RNF212B: variants seen among roughly 807,000 people sequenced by gnomAD.
RNF212B encodes the protein ring finger protein 212B.
RNF212B carries 52 observed loss-of-function variants against 55.5 expected under a neutral mutation model. That is an observed-to-expected ratio of 0.94 (90% CI 0.75 to 1.18). The LOEUF (loss-of-function observed/expected upper bound fraction) is 1.18, where lower values mean the gene tolerates loss of function less well. RNF212B is among the 50% of genes most tolerant of loss of function. The pLI is 0.00. For synonymous variants in RNF212B, 99 were observed against 121.4 expected (o/e 0.82, Z 1.21); for missense variants, 289 against 350.4 (o/e 0.82, Z 1.40).
chr14:23,253,575 C>T (rs903970362), intron 4 of RNF212B, among the ~76,000 whole-genome samples: 11 of 152,036 alleles, frequency 7.2e-5, no homozygotes, highest in Non-Finnish European at 1.2e-4. Context: ...TGTTGTATTC[C>T]ACCAAGAGGT....
At chr14:23,237,271 A>G (rs1883181913), upstream of RNF212B, among the ~76,000 whole-genome samples, 1 of 151,974 alleles carries the variant, frequency 6.6e-6, no homozygotes, top group Admixed American at 6.6e-5. Flanking sequence ...CTGAGATTAC[A>G]GGTGCGTGTC....
upstream of RNF212B, among the ~76,000 whole-genome samples, chr14:23,237,869 C>T (rs1394250740): frequency 1.3e-5 from 2 of 151,892 alleles, no homozygotes; most frequent in Non-Finnish European, 2.9e-5. Flanking sequence ...CACGGAGCCA[C>T]GCCCACTGAT....
intron 1 of RNF212B, among the ~76,000 whole-genome samples, chr14:23,191,702 T>C (rs1878136238): frequency 6.6e-6 from 1 of 152,186 alleles, no homozygotes; most frequent in South Asian, 2.1e-4. Context: ...AGTGGGATGA[T>C]GGGTAATAGT....
At chr14:23,266,511 A>G (rs959829525) in intron 11 of RNF212B, among the ~76,000 whole-genome samples, 3 of 140,824 alleles carry the variant, frequency 2.1e-5, no homozygotes, top group Non-Finnish European at 4.5e-5. Context: ...TCCCAGGTTC[A>G]AGCAATTCTC....
chr14:23,224,303 G>A (rs1881821750), intron 2 of RNF212B, among the ~76,000 whole-genome samples: 1 of 150,822 alleles, frequency 6.6e-6, no homozygotes, highest in Non-Finnish European at 1.5e-5. Flanking sequence ...AAGCTATCCT[G>A]AGCAAAAAGA....
Position 23,262,959 on chromosome 14 carries a change from T to A in RNF212B, c.513T>A (p.Ser171Arg), listed in dbSNP as rs149911887. ...CACGACCCAGTTTCCAGCATAGCAG[T>A]CAAGTGGTCAGGTAAACCTACACAG... ...VTPRPSFQHS[S>R]QVVSRSSSAE... Residue 171 changes from serine to arginine, a missense_variant, in exon 9 of 15, where the codon AGT (serine) becomes AGA (arginine). Coordinates refer to ENST00000430154, the MANE Select transcript of RNF212B (RefSeq NM_001282322.3). The A allele has an allele frequency of 1.2e-4, 186 of 1,550,482 alleles. 2 individuals are homozygous for A. In the East Asian group the frequency reaches 4.1e-3, roughly 34 times the overall value.
At chr14:23,206,513 C>T (rs957028139) in intron 2 of RNF212B, among the ~76,000 whole-genome samples, 3 of 152,106 alleles carry the variant, frequency 2.0e-5, no homozygotes, top group Non-Finnish European at 2.9e-5. Context: ...TTAGGCATGC[C>T]GACAGCAGTA....
At chr14:23,193,993 C>T (rs375793720) in intron 2 of RNF212B, among the ~76,000 whole-genome samples, 8 of 152,096 alleles carry the variant, frequency 5.3e-5, no homozygotes, top group East Asian at 1.9e-4. Flanking sequence ...AGGAGCCTGC[C>T]GCTACGCCTG....
Position 23,192,851 on chromosome 14 carries a change from G to T in RNF212B, c.-78-474G>T, listed in dbSNP as rs1878247204. Among the ~76,000 whole-genome samples, 3 of 152,004 alleles carry T rather than the reference G, an allele frequency of 2.0e-5. No individual in the cohort carries two copies. The South Asian group carries it at 6.2e-4, about 31-fold the overall frequency. ...TCATGCCTGTAATCCCAGCACTTTG[G>T]GAGGCCAAGGTGGGCGGATCACCTG... On this transcript the variant is annotated intron_variant, in intron 1 of 15. Transcript: ENST00000399910.
chr14:23,229,221 TATATATATATATATA>T (rs1882316580), intron 2 of RNF212B, among the ~76,000 whole-genome samples: 1 of 39,526 alleles, frequency 2.5e-5, no homozygotes, highest in Non-Finnish European at 4.4e-5. Flanking sequence ...AATAATATTT[TATATATATATATATA>T]TATATATATA....
intron 2 of RNF212B, among the ~76,000 whole-genome samples, chr14:23,211,812 T>A (rs977356942): frequency 2.6e-5 from 4 of 152,186 alleles, no homozygotes; most frequent in Non-Finnish European, 5.9e-5. Context: ...AACCTCTGCC[T>A]CCAGGATTCA....
intron 4 of RNF212B, among the ~76,000 whole-genome samples, chr14:23,256,942 C>T (rs899894183): frequency 2.6e-5 from 4 of 152,106 alleles, no homozygotes; most frequent in African/African-American, 9.7e-5. Flanking sequence ...ATCACGAGGT[C>T]AGGAGTTCGA....
intron 2 of RNF212B, among the ~76,000 whole-genome samples, chr14:23,208,188 G>A (rs967610954): frequency 2.6e-5 from 4 of 152,112 alleles, no homozygotes; most frequent in African/African-American, 9.7e-5. Context: ...TTTAGAGCTG[G>A]GTCAAGGAAA....
chr14:23,192,231 G>A (rs1248866238), intron 1 of RNF212B, among the ~76,000 whole-genome samples: 2 of 152,128 alleles, frequency 1.3e-5, no homozygotes, highest in African/African-American at 4.8e-5. Flanking sequence ...AAAGACACAT[G>A]CACATGTATG....
intron 1 of RNF212B, chr14:23,188,079 T>C (rs1399538940): frequency 2.6e-5 from 4 of 152,250 alleles, no homozygotes; most frequent in African/African-American, 4.8e-5. Context: ...AAGTTGTGTC[T>C]TCTAGGGTTT....
chr14:23,197,752 C>G (rs1878861372), intron 2 of RNF212B, among the ~76,000 whole-genome samples: 1 of 150,648 alleles, frequency 6.6e-6, no homozygotes, highest in African/African-American at 2.5e-5. Context: ...TTTTATCTAC[C>G]TATTTCCCCC....
intron 1 of RNF212B, among the ~76,000 whole-genome samples, chr14:23,192,128 C>T (rs535527790): frequency 1.3e-5 from 2 of 150,278 alleles, no homozygotes; most frequent in Non-Finnish European, 3.0e-5. Flanking sequence ...GACAGTGTGG[C>T]GATTCCTCAA....
At chr14:23,203,271 A>G (rs1280521773) in intron 2 of RNF212B, among the ~76,000 whole-genome samples, 1 of 152,092 alleles carries the variant, frequency 6.6e-6, no homozygotes, top group Non-Finnish European at 1.5e-5. Context: ...TTCACTTACA[A>G]TAATAGTCTC....
intron 4 of RNF212B, among the ~76,000 whole-genome samples, chr14:23,247,363 A>G (rs1029100630): frequency 6.6e-6 from 1 of 152,120 alleles, no homozygotes. Context: ...AAACATTTTC[A>G]TCACCCCAGA....
Sources: allele counts gnomAD v4.1 joint callset (sites outside exome capture counted in the v4.1 genomes callset), GRCh38; gene constraint gnomAD v4.1.1; transcripts MANE v1.5; gene names NCBI Gene and HGNC (gene_info 2026-07-23, HGNC 2026-07-21).